Variants in EDAR observed in about 807,000 individuals in gnomAD.
The protein encoded by EDAR is ectodysplasin A receptor, also known as tumor necrosis factor receptor superfamily member EDAR.
In EDAR, 38 loss-of-function variants were observed where a neutral mutation model predicts 51.3. The observed-to-expected ratio is 0.74, with a 90% confidence interval of 0.57 to 0.97. EDAR has a LOEUF of 0.97. Ranked by LOEUF, EDAR falls within the 50% of genes least tolerant of loss-of-function variation. The pLI is 0.00. For synonymous variants in EDAR, 227 were observed against 242.1 expected (o/e 0.94, Z 0.58); for missense variants, 528 against 595.0 (o/e 0.89, Z 1.17).
Position 108,925,382 on chromosome 2 carries a change from T to C in EDAR, c.357-1929A>G, listed in dbSNP as rs183426425. On this transcript the variant is annotated intron_variant, in intron 4 of 11. Coordinates refer to ENST00000258443, the MANE Select transcript of EDAR (RefSeq NM_022336.4). ...GCTTGGTCTCTGTCATGGGTAAAGC[T>C]CCAAGGCTACACGGCGGATGCACAA... 2.2e-3 allele frequency among the ~76,000 whole-genome samples: 342 copies of C among 152,286 alleles called. 1 individual carries two copies. The highest frequency in any genetic ancestry group is 7.8e-3 in the African/African-American group (324 of 41,558).
intron 11 of EDAR, among the ~76,000 whole-genome samples, chr2:108,903,843 T>C (rs773507855): frequency 4.6e-5 from 7 of 152,114 alleles, no homozygotes; most frequent in African/African-American, 7.2e-5. Flanking sequence ...CTATAAAACT[T>C]CTAGAAAAAA....
chr2:108,932,555 AAG>A (rs902065969), intron 1 of EDAR, among the ~76,000 whole-genome samples: 1 of 150,828 alleles, frequency 6.6e-6, no homozygotes, highest in Admixed American at 6.6e-5. Context: ...AAAAAAAAGA[AAG>A]AAATTAAGAA....
intron 10 of EDAR, among the ~76,000 whole-genome samples, chr2:108,907,622 TGGGTG>T (rs1406836728): frequency 6.6e-6 from 1 of 150,960 alleles, no homozygotes; most frequent in Non-Finnish European, 1.5e-5. Context: ...CACTCCAGGC[TGGGTG>T]ACAGAGCAAG....
rs551136481 is a variant in EDAR at position 108,917,607 on chromosome 2, C to T, written c.443-4843G>A. Among the ~76,000 whole-genome samples, 4 of 152,254 alleles carry T rather than the reference C, an allele frequency of 2.6e-5. No individual in the cohort carries two copies. In the East Asian group the frequency reaches 7.7e-4, roughly 29 times the overall value. ...GTCTTTTTTGTCCACAATTCAGTGCCTCTGCCCCCGGGCAAGACAGAAGGT... is the reference window on the plus strand; with the variant it reads ...GTCTTTTTTGTCCACAATTCAGTGCTTCTGCCCCCGGGCAAGACAGAAGGT... On this transcript the variant is annotated intron_variant, in intron 5 of 11. Transcript: ENST00000258443.
At chr2:108,936,088 C>T (rs551188760) in intron 1 of EDAR, among the ~76,000 whole-genome samples, 2 of 152,230 alleles carry the variant, frequency 1.3e-5, no homozygotes, top group African/African-American at 4.8e-5. Flanking sequence ...GATGGTCCAG[C>T]CTCCGGGACT....
At chr2:108,922,520 C>T (rs116790995) in intron 5 of EDAR, among the ~76,000 whole-genome samples, 2,344 of 152,328 alleles carry the variant, frequency 0.015, 73 homozygotes, top group African/African-American at 0.052. Flanking sequence ...ATGCTGCGCC[C>T]CATTCCTGCT....
chr2:108,909,004 G>T (rs1696863806), intron 9 of EDAR, among the ~76,000 whole-genome samples: 1 of 152,158 alleles, frequency 6.6e-6, no homozygotes, highest in Admixed American at 6.5e-5. Context: ...AGCAGGTGAG[G>T]TGGCACCCCA....
At chr2:108,924,328 C>A (rs1236297326) in intron 4 of EDAR, among the ~76,000 whole-genome samples, 2 of 152,238 alleles carry the variant, frequency 1.3e-5, no homozygotes, top group East Asian at 3.9e-4. Context: ...CTGGCACCAC[C>A]CTCTCCTTGG....
intron 5 of EDAR, among the ~76,000 whole-genome samples, chr2:108,915,805 G>A (rs1422809744): frequency 6.6e-6 from 1 of 152,142 alleles, no homozygotes; most frequent in African/African-American, 2.4e-5. Context: ...GCTGAGGCAA[G>A]AGAATCGCTG....
chr2:108,912,256 G>A (rs1217069946), intron 6 of EDAR, among the ~76,000 whole-genome samples: 1 of 152,188 alleles, frequency 6.6e-6, no homozygotes, highest in Non-Finnish European at 1.5e-5. Context: ...CTTCTTCCCT[G>A]GTTAGGGAGA....
At chr2:108,960,779 G>T (rs912763156) in intron 1 of EDAR, among the ~76,000 whole-genome samples, 2 of 152,076 alleles carry the variant, frequency 1.3e-5, no homozygotes, top group Non-Finnish European at 2.9e-5. Flanking sequence ...ATATCATAAG[G>T]AGTCATATCG....
At chr2:108,954,431 G>T (rs1184325037) in intron 1 of EDAR, among the ~76,000 whole-genome samples, 3 of 152,164 alleles carry the variant, frequency 2.0e-5, no homozygotes, top group African/African-American at 7.2e-5. Flanking sequence ...ACTTTGGATA[G>T]GTGTGGTGGT....
chr2:108,942,060 G>A (rs975743853), intron 1 of EDAR, among the ~76,000 whole-genome samples: 2 of 152,248 alleles, frequency 1.3e-5, no homozygotes, highest in South Asian at 2.1e-4. Context: ...GGCTTCTTCC[G>A]GAACCTGTGT....
chr2:108,951,898 T>C (rs1697834432), intron 1 of EDAR, among the ~76,000 whole-genome samples: 1 of 152,218 alleles, frequency 6.6e-6, no homozygotes, highest in African/African-American at 2.4e-5. Context: ...AGGTATTGAA[T>C]GGTGTACAAT....
intron 11 of EDAR, among the ~76,000 whole-genome samples, chr2:108,903,674 G>A (rs897205777): frequency 2.0e-5 from 3 of 152,100 alleles, no homozygotes; most frequent in African/African-American, 7.2e-5. Context: ...AAAAAATGGT[G>A]CTGGAGCAAT....
At chr2:108,912,866 T>TCA in intron 5 of EDAR, 102 bp from the exon 6 acceptor site, 1 of 971,214 alleles carries the variant, frequency 1.0e-6, no homozygotes, top group Non-Finnish European at 1.6e-6. Context: ...TGAATGGGCC[T>TCA]GAGGCAGTGA....
chr2:108,961,729 G>A (rs565659573), intron 1 of EDAR, among the ~76,000 whole-genome samples: 1 of 152,266 alleles, frequency 6.6e-6, no homozygotes, highest in East Asian at 1.9e-4. Context: ...GGAAAAGCCT[G>A]GGGAGGCTTC....
chr2:108,900,923 A>G (rs1035372181), intron 11 of EDAR, among the ~76,000 whole-genome samples: 1 of 152,208 alleles, frequency 6.6e-6, no homozygotes, highest in Non-Finnish European at 1.5e-5. Flanking sequence ...ACCTGAAAGA[A>G]GAGATAAGTC....
intron 5 of EDAR, among the ~76,000 whole-genome samples, chr2:108,921,479 G>C (rs563565391): frequency 6.6e-6 from 1 of 152,318 alleles, no homozygotes; most frequent in African/African-American, 2.4e-5. Flanking sequence ...AGGTGCTCTT[G>C]ACCACAACTG....
Sources: gnomAD v4.1 joint callset for allele counts (sites outside exome capture counted in the v4.1 genomes callset) on GRCh38, gnomAD v4.1.1 for gene constraint, MANE v1.5 for transcripts, NCBI Gene and HGNC (gene_info 2026-07-23, HGNC 2026-07-21) for gene names.